The following CADM2 variants were observed in gnomAD, a reference collection of about 807,000 sequenced individuals.
The protein encoded by CADM2 is immunoglobulin superfamily member 4D.
CADM2 carries 12 observed loss-of-function variants against 49.8 expected under a neutral mutation model. The observed-to-expected ratio is 0.24, with a 90% CI of 0.15 to 0.39. The LOEUF is 0.39. Among genes scored for constraint, CADM2 ranks in the 10% least tolerant of loss-of-function variants. The pLI is 1.00. For missense variants in CADM2, 378 were observed against 492.3 expected, an observed-to-expected ratio of 0.77 and a Z score of 2.20; for synonymous variants, 214 against 175.4, an observed-to-expected ratio of 1.22 and a Z score of -1.74.
intron 1 of CADM2, among the ~76,000 whole-genome samples, chr3:85,456,811 A>G (rs2038011577): frequency 6.6e-6 from 1 of 151,322 alleles, no homozygotes; most frequent in South Asian, 2.1e-4. Flanking sequence ...GATATTAAGT[A>G]AAAACAACTA....
At chr3:85,511,515 T>A (rs1275136054) in intron 1 of CADM2, among the ~76,000 whole-genome samples, 6 of 152,108 alleles carry the variant, frequency 3.9e-5, no homozygotes, top group Non-Finnish European at 8.8e-5. Flanking sequence ...GTAATAAGGA[T>A]GTTTCTAAGC....
rs148421771 is a variant in CADM2 at position 85,862,670 on chromosome 3, G to A, written c.239-20621G>A. 1.7e-3 allele frequency among the ~76,000 whole-genome samples: 261 copies of A among 152,146 alleles called. 1 individual carries two copies. Among genetic ancestry groups the A allele is most frequent in the African/African-American group, 5.9e-3 (245 of 41,486 alleles). ...TTTTTTCTTTCTATAAAATGCATAT[G>A]AGCCAAACTACTCTTACTAGATTAT... On this transcript the variant is annotated intron_variant, in intron 3 of 9. Transcript: ENST00000383699.
At chr3:85,863,142 A>G (rs2075599271) in intron 3 of CADM2, among the ~76,000 whole-genome samples, 1 of 152,200 alleles carries the variant, frequency 6.6e-6, no homozygotes, top group South Asian at 2.1e-4. Context: ...TGAATGACTA[A>G]GATAAGATGA....
chr3:85,232,892 A>G (rs528906165), intron 1 of CADM2, among the ~76,000 whole-genome samples: 1 of 152,198 alleles, frequency 6.6e-6, no homozygotes, highest in Non-Finnish European at 1.5e-5. Flanking sequence ...ACACATGCAG[A>G]TATTTACTTA....
intron 1 of CADM2, among the ~76,000 whole-genome samples, chr3:85,399,206 A>G (rs1310789424): frequency 1.3e-5 from 2 of 152,194 alleles, no homozygotes; most frequent in African/African-American, 4.8e-5. Flanking sequence ...CTTTCTACAT[A>G]TGGCTAGGCA....
In CADM2 at chr3:86,074,394, A is replaced by C. The variant is rs991230839; in HGVS notation, c.*7611A>C. 2 of 152,026 alleles carry C rather than the reference A, an allele frequency of 1.3e-5. No individual in the cohort carries two copies. The highest frequency in any genetic ancestry group is 4.8e-5 in the African/African-American group (2 of 41,436). The allele number at this position is 152,026 out of a possible 1,614,324, so 9.4% of individuals were successfully genotyped here. On this transcript the variant is annotated 3_prime_UTR_variant, in exon 10 of 10. Transcript: ENST00000383699. The stretch of plus-strand genomic sequence containing the variant: ...TCTCATATTTGTGTTAGACCATGAA[A>C]TATTCCATTAAAATTTATCTGTAAA...
chr3:85,222,678 A>G (rs921415437), intron 1 of CADM2, among the ~76,000 whole-genome samples: 1 of 152,190 alleles, frequency 6.6e-6, no homozygotes, highest in Admixed American at 6.5e-5. Flanking sequence ...TCATCTGAAA[A>G]TTGGAGATAA....
chr3:85,474,707 T>G (rs2038908500), intron 1 of CADM2, among the ~76,000 whole-genome samples: 1 of 152,036 alleles, frequency 6.6e-6, no homozygotes, highest in Admixed American at 6.6e-5. Context: ...AGTGTGTGTG[T>G]GATGATATCC....
At chr3:85,136,066 G>T (rs2039407343) in intron 1 of CADM2, among the ~76,000 whole-genome samples, 1 of 151,926 alleles carries the variant, frequency 6.6e-6, no homozygotes, top group South Asian at 2.1e-4. Context: ...TGTACATTTG[G>T]ATAACAGACT....
At chr3:85,664,139 T>G (rs2065492814) in intron 1 of CADM2, among the ~76,000 whole-genome samples, 1 of 151,984 alleles carries the variant, frequency 6.6e-6, no homozygotes, top group African/African-American at 2.4e-5. Context: ...ATCTCTAGAC[T>G]TTGGCTAAGT....
At chr3:86,062,485 G>C (rs985745078) in intron 8 of CADM2, among the ~76,000 whole-genome samples, 1 of 151,938 alleles carries the variant, frequency 6.6e-6, no homozygotes, top group Non-Finnish European at 1.5e-5. Context: ...CATTTCAAAG[G>C]TGTATTGTTA....
At chr3:85,297,977 C>T (rs2044007526) in intron 1 of CADM2, among the ~76,000 whole-genome samples, 1 of 151,918 alleles carries the variant, frequency 6.6e-6, no homozygotes, top group African/African-American at 2.4e-5. Flanking sequence ...TGAACTGATT[C>T]ATAAAAGATG....
chr3:85,506,645 C>T (rs911185220), intron 1 of CADM2, among the ~76,000 whole-genome samples: 8 of 151,994 alleles, frequency 5.3e-5, no homozygotes, highest in African/African-American at 1.9e-4. Flanking sequence ...GTAGATCCTC[C>T]TGCGTTAGCT....
chr3:85,549,789 A>ATTTTTTTTTTTTTTTT (rs71617942), intron 1 of CADM2, among the ~76,000 whole-genome samples: 2 of 134,872 alleles, frequency 1.5e-5, no homozygotes, highest in African/African-American at 2.8e-5. Flanking sequence ...ATGCTGGGCT[A>ATTTTTTTTTTTTTTTT]TTTTTTTTTT....
chr3:85,870,627 A>G (rs2075891846), intron 3 of CADM2, among the ~76,000 whole-genome samples: 3 of 152,110 alleles, frequency 2.0e-5, no homozygotes, highest in Non-Finnish European at 1.5e-5. Context: ...TATGTACCAC[A>G]TTTTCTTTAT....
chr3:86,015,668 CA>C (rs1353714264), intron 8 of CADM2, among the ~76,000 whole-genome samples: 3 of 152,154 alleles, frequency 2.0e-5, no homozygotes, highest in Non-Finnish European at 4.4e-5. Flanking sequence ...GAGCAAATGA[CA>C]GTTAAAATTT....
At chr3:85,722,294 G>T (rs565378219) in intron 1 of CADM2, among the ~76,000 whole-genome samples, 3 of 152,220 alleles carry the variant, frequency 2.0e-5, no homozygotes, top group South Asian at 2.1e-4. Flanking sequence ...TGTTGGAATG[G>T]CAGTGGCTGC....
At position 85,205,058 on chromosome 3, in the gene CADM2, C is replaced by T. The variant is rs923741878; in HGVS notation, c.61+245390C>T. On this transcript the variant is annotated intron_variant, in intron 1 of 9. Transcript: ENST00000383699. ...TTTGAGATAGGATCTTACTCTGTCA[C>T]CTAGGCTGGAGTGCAGTAGTGTAAT... Among the ~76,000 whole-genome samples the T allele has an allele frequency of 4.7e-5, 7 of 149,662 alleles. No homozygotes were observed. The Admixed American group carries it at 4.7e-4, about 10-fold the overall frequency.
At chr3:85,085,216 A>C (rs2107509574) in intron 1 of CADM2, among the ~76,000 whole-genome samples, 1 of 152,026 alleles carries the variant, frequency 6.6e-6, no homozygotes, top group African/African-American at 2.4e-5. Flanking sequence ...CTTCCCAATT[A>C]CTTCTATCTC....
Sources: allele counts gnomAD v4.1 joint callset (sites outside exome capture counted in the v4.1 genomes callset), GRCh38; gene constraint gnomAD v4.1.1; transcripts MANE v1.5; gene names NCBI Gene and HGNC (gene_info 2026-07-23, HGNC 2026-07-21).